Variants in NOSTRIN observed in about 807,000 individuals in gnomAD.
NOSTRIN encodes nitric oxide synthase trafficking.
In NOSTRIN, 63 loss-of-function variants were observed where a neutral mutation model predicts 59.0. The ratio of observed to expected loss-of-function variants is 1.07; its 90% CI spans 0.87 to 1.32. NOSTRIN has a LOEUF of 1.32. Among genes scored for constraint, NOSTRIN ranks in the 40% most tolerant of loss-of-function variants. NOSTRIN has a pLI of 0.00. For missense variants in NOSTRIN, 512 were observed against 473.1 expected (o/e 1.08, Z -0.76); for synonymous variants, 200 against 165.4 (o/e 1.21, Z -1.61).
intron 8 of NOSTRIN, among the ~76,000 whole-genome samples, chr2:168,847,970 C>CT (rs1224161298): frequency 6.6e-6 from 1 of 152,162 alleles, no homozygotes; most frequent in Non-Finnish European, 1.5e-5. Context: ...CAGATTGATG[C>CT]TAGTGGTTCA....
At chr2:168,838,366 A>G (rs994619836) in intron 7 of NOSTRIN, among the ~76,000 whole-genome samples, 2 of 152,104 alleles carry the variant, frequency 1.3e-5, no homozygotes, top group African/African-American at 4.8e-5. Context: ...CAGCCTCCCA[A>G]GTAGCTGGGA....
intron 6 of NOSTRIN, among the ~76,000 whole-genome samples, chr2:168,833,359 C>T (rs563081987): frequency 1.3e-5 from 2 of 152,316 alleles, no homozygotes; most frequent in East Asian, 1.9e-4. Flanking sequence ...AGGCTTCCCA[C>T]GTTTAGAGGG....
upstream of NOSTRIN, among the ~76,000 whole-genome samples, chr2:168,800,034 C>T (rs1342696210): frequency 6.6e-6 from 1 of 152,206 alleles, no homozygotes; most frequent in Non-Finnish European, 1.5e-5. Flanking sequence ...TAAGCTGTAC[C>T]TCCAGAGGCC....
intron 15 of NOSTRIN, among the ~76,000 whole-genome samples, chr2:168,863,909 CTTTTTTTATT>C (rs1361732267): frequency 6.6e-6 from 1 of 151,514 alleles, no homozygotes; most frequent in Non-Finnish European, 1.5e-5. Flanking sequence ...CCAACGTGAT[CTTTTTTTATT>C]TTTTTTTTTG....
chr2:168,791,261 C>A (rs1019222861), intron 2 of NOSTRIN, among the ~76,000 whole-genome samples: 1 of 152,092 alleles, frequency 6.6e-6, no homozygotes, highest in African/African-American at 2.4e-5. Flanking sequence ...TTTGTCCTTG[C>A]AATAGTTTGC....
chr2:168,856,526 G>C, intron 11 of NOSTRIN, 164 bp from the exon 12 acceptor site: 2 of 606,398 alleles, frequency 3.3e-6, no homozygotes, highest in Non-Finnish European at 5.9e-6. Context: ...AGTGAGCCGA[G>C]ATCGCGCCAC....
chr2:168,836,488 C>T (rs1366823644), intron 7 of NOSTRIN, among the ~76,000 whole-genome samples: 1 of 152,214 alleles, frequency 6.6e-6, no homozygotes, highest in Non-Finnish European at 1.5e-5. Context: ...TGAAGCTGAA[C>T]ACCCAAGCGG....
upstream of NOSTRIN, among the ~76,000 whole-genome samples, chr2:168,800,117 T>C (rs1198643723): frequency 6.6e-6 from 1 of 152,190 alleles, no homozygotes; most frequent in African/African-American, 2.4e-5. Flanking sequence ...TACCAGCTGA[T>C]GAAATACGGC....
chr2:168,793,186 T>G (rs142098215), upstream of NOSTRIN, among the ~76,000 whole-genome samples: 1,262 of 152,342 alleles, frequency 8.3e-3, 17 homozygotes, highest in African/African-American at 0.029. Context: ...CACTGCCACC[T>G]GGGTTAGTTA....
upstream of NOSTRIN, among the ~76,000 whole-genome samples, chr2:168,795,997 G>A (rs1685468982): frequency 6.6e-6 from 1 of 152,202 alleles, no homozygotes; most frequent in Admixed American, 6.5e-5. Flanking sequence ...CAAGGCTTCA[G>A]AAATGTATCT....
chr2:168,854,092 C>T (rs1439493558), intron 10 of NOSTRIN, among the ~76,000 whole-genome samples: 1 of 152,184 alleles, frequency 6.6e-6, no homozygotes, highest in African/African-American at 2.4e-5. Flanking sequence ...TGGTCTCGAA[C>T]TCCTGACCTC....
chr2:168,807,178 G>A (rs1685896441), intron 1 of NOSTRIN, among the ~76,000 whole-genome samples: 1 of 152,100 alleles, frequency 6.6e-6, no homozygotes, highest in Non-Finnish European at 1.5e-5. Flanking sequence ...TGGTGAGGTA[G>A]GAGTGAGACA....
rs755255348 is a variant in NOSTRIN at position 168,864,875 on chromosome 2, T to C, written c.1426T>C (p.Trp476Arg). ...IIHEKKEGGW[W>R]FGSLNGKKGH... ...ACACGAGAAAAAAGAAGGAGGATGG[T>C]GGTTTGGATCTTTGAATGGGAAAAA... Residue 476 changes from tryptophan to arginine, a missense_variant, in exon 16 of 16, where the codon TGG (tryptophan) becomes CGG (arginine). By Grantham distance (101) the Trp-to-Arg change is moderately radical. Transcript: ENST00000317647. The C allele has an allele frequency of 1.2e-6, 2 of 1,613,902 alleles. No homozygotes were observed. Among genetic ancestry groups the C allele is most frequent in the East Asian group, 4.5e-5 (2 of 44,856 alleles).
intron 2 of NOSTRIN, among the ~76,000 whole-genome samples, chr2:168,792,313 G>C (rs963738871): frequency 6.6e-6 from 1 of 151,982 alleles, no homozygotes. Context: ...GAAAAATTTA[G>C]TGAAAGAAAA....
upstream of NOSTRIN, among the ~76,000 whole-genome samples, chr2:168,802,008 T>C (rs561962661): frequency 2.0e-5 from 3 of 152,220 alleles, no homozygotes; most frequent in South Asian, 2.1e-4. Context: ...TCTATAGGTG[T>C]AGGTTCCTAG....
rs148763502 is a variant in NOSTRIN at position 168,811,756 on chromosome 2, G to A, written c.113+104G>A. The A allele has an allele frequency of 6.3e-5, 34 of 536,674 alleles. No homozygotes were observed. In the East Asian group the frequency reaches 1.1e-3, roughly 17 times the overall value. 33.2% of individuals were successfully genotyped at this position (536,674 alleles called of 1,614,324 possible). ...GCTGTCCTACTTTCCAGAATGTGGT[G>A]TTATATTTTGGTACTCGAGAGATTG... On this transcript the variant is annotated intron_variant, in intron 2 of 15. Transcript: ENST00000317647.
intron 10 of NOSTRIN, among the ~76,000 whole-genome samples, chr2:168,853,535 C>T (rs1688894939): frequency 6.6e-6 from 1 of 152,184 alleles, no homozygotes; most frequent in African/African-American, 2.4e-5. Context: ...CTGAAATTGA[C>T]CCAGGAGCAA....
chr2:168,813,476 C>A (rs1420405596), intron 2 of NOSTRIN, among the ~76,000 whole-genome samples: 5 of 152,118 alleles, frequency 3.3e-5, no homozygotes, highest in Non-Finnish European at 5.9e-5. Context: ...ATATCCCCAC[C>A]TTGCCACCGA....
chr2:168,832,722 T>C (rs750889779), intron 6 of NOSTRIN, among the ~76,000 whole-genome samples: 22 of 152,238 alleles, frequency 1.4e-4, no homozygotes, highest in Non-Finnish European at 3.2e-4. Context: ...AGAAACAGTA[T>C]CCAGTCATTT....
Sources: gnomAD v4.1 joint callset for allele counts (sites outside exome capture counted in the v4.1 genomes callset) on GRCh38, gnomAD v4.1.1 for gene constraint, MANE v1.5 for transcripts, NCBI Gene and HGNC (gene_info 2026-07-23, HGNC 2026-07-21) for gene names.